The following ASIC2 variants were observed in gnomAD, a reference collection of about 807,000 sequenced individuals.
ASIC2 encodes acid-sensing ion channel 2.
In ASIC2, 25 loss-of-function variants were observed where a neutral mutation model predicts 57.3. That is an observed-to-expected ratio of 0.44 (90% confidence interval 0.32 to 0.61). The LOEUF is 0.61. ASIC2 is among the 20% of genes least tolerant of loss of function. The probability of loss-of-function intolerance (pLI) is 0.06; values close to 1 mark genes in which losing one functional copy is unlikely to be tolerated. For missense variants in ASIC2, 641 were observed against 738.1 expected, an observed-to-expected ratio of 0.87 and a Z score of 1.52; for synonymous variants, 319 against 307.5, an observed-to-expected ratio of 1.04 and a Z score of -0.39.
In ASIC2 at chr17:34,073,232, T is replaced by C. The variant is rs116781358; in HGVS notation, c.555+82746A>G. 5.2e-3 allele frequency among the ~76,000 whole-genome samples: 791 copies of C among 152,346 alleles called. 5 individuals are homozygous for C. Among genetic ancestry groups the C allele is most frequent in the African/African-American group, 0.018 (754 of 41,584 alleles). On this transcript the variant is annotated intron_variant, in intron 1 of 9. Coordinates refer to the ASIC2 transcript ENST00000359872. The stretch of plus-strand genomic sequence containing the variant: ...TCTGTCATTGTCATATGGGGCCTAG[T>C]GTGCCCACCCTATTGAAATCACCCC...
chr17:33,267,550 G>A (rs1909510096), intron 1 of ASIC2, among the ~76,000 whole-genome samples: 1 of 152,210 alleles, frequency 6.6e-6, no homozygotes, highest in South Asian at 2.1e-4. Context: ...CAGAAGCTAA[G>A]TTTGACAAGT....
At chr17:33,819,320 C>T (rs989514780) in intron 1 of ASIC2, among the ~76,000 whole-genome samples, 12 of 152,242 alleles carry the variant, frequency 7.9e-5, no homozygotes, top group African/African-American at 2.4e-4. Context: ...CTCTCTATTG[C>T]TCATGGGCAA....
chr17:33,747,609 T>A (rs1307046662), intron 1 of ASIC2, among the ~76,000 whole-genome samples: 2 of 152,222 alleles, frequency 1.3e-5, no homozygotes, highest in African/African-American at 2.4e-5. Context: ...ATCATGCTAC[T>A]CTTGCTTCCC....
chr17:33,507,395 A>G (rs1325326063), intron 1 of ASIC2, among the ~76,000 whole-genome samples: 1 of 152,038 alleles, frequency 6.6e-6, no homozygotes. Context: ...ATCTCATCTC[A>G]TTGGTTTGTT....
At position 33,291,835 on chromosome 17, in the gene ASIC2, C is replaced by A; in HGVS notation, c.281G>T (p.Cys94Phe). The change falls in exon 1 of 10, where the codon TGT becomes TTT. Residue 94 changes from cysteine to phenylalanine, a missense_variant. Cys to Phe is a radical substitution (Grantham distance 205). Transcript: ENST00000225823. Reference sequence around the variant, plus strand: ...GGACAGCAGCAAGCCGAAGGATGTACAGAAGGCCAGCACCCACAGCGCCCG... The same window carrying A: ...GGACAGCAGCAAGCCGAAGGATGTAAAGAAGGCCAGCACCCACAGCGCCCG... ...QRRALWVLAF[C>F]TSFGLLLSWS... 6.2e-7 allele frequency: 1 copy of A among 1,610,890 alleles called. No homozygotes were observed. The highest frequency in any genetic ancestry group is 8.5e-7 in the Non-Finnish European group (1 of 1,179,606).
chr17:33,334,042 G>C (rs1314036914), intron 1 of ASIC2, among the ~76,000 whole-genome samples: 1 of 152,208 alleles, frequency 6.6e-6, no homozygotes, highest in Non-Finnish European at 1.5e-5. Context: ...GACTGGACAA[G>C]GAAGCTGCTC....
At chr17:33,971,470 C>T (rs1243211269) in intron 1 of ASIC2, among the ~76,000 whole-genome samples, 2 of 152,156 alleles carry the variant, frequency 1.3e-5, no homozygotes, top group Non-Finnish European at 2.9e-5. Flanking sequence ...CACACACCAG[C>T]TCCTGAAAGT....
At chr17:33,291,105 A>C (rs1474431669) in intron 1 of ASIC2, 1 of 419,738 alleles carries the variant, frequency 2.4e-6, no homozygotes, top group African/African-American at 2.1e-5. Flanking sequence ...AAGGAGGCTG[A>C]CTAATATTCA....
At chr17:33,063,496 C>G (rs562286353) in intron 3 of ASIC2, among the ~76,000 whole-genome samples, 71 of 152,114 alleles carry the variant, frequency 4.7e-4, no homozygotes, top group African/African-American at 1.6e-3. Flanking sequence ...GGCCCCCCCT[C>G]TCTTCTGGCT....
chr17:34,148,881 G>A (rs942076845), intron 1 of ASIC2, among the ~76,000 whole-genome samples: 3 of 152,144 alleles, frequency 2.0e-5, no homozygotes, highest in Admixed American at 6.5e-5. Flanking sequence ...CTACCCAGGA[G>A]ACTCAAGAAG....
In ASIC2 at chr17:33,804,531, C is replaced by T. The variant is rs182160126; in HGVS notation, c.555+351447G>A. On this transcript the variant is annotated intron_variant, in intron 1 of 9. Transcript: ENST00000359872. Reference sequence around the variant, plus strand: ...AACCAGAGGTTAAAGCAAAAGTCTCCGCCCATTACCAAGAGCTTTGCTGGT... The same window carrying T: ...AACCAGAGGTTAAAGCAAAAGTCTCTGCCCATTACCAAGAGCTTTGCTGGT... Among the ~76,000 whole-genome samples the T allele has an allele frequency of 4.1e-3, 626 of 152,312 alleles. 2 individuals carry two copies. The highest frequency in any genetic ancestry group is 6.2e-3 in the Admixed American group (95 of 15,302).
At chr17:33,544,754 C>T (rs187101289) in intron 1 of ASIC2, among the ~76,000 whole-genome samples, 1 of 151,992 alleles carries the variant, frequency 6.6e-6, no homozygotes, top group South Asian at 2.1e-4. Context: ...CATATATCAC[C>T]CTTATACATA....
chr17:33,040,655 G>A (rs1453244624), intron 3 of ASIC2, among the ~76,000 whole-genome samples: 2 of 152,234 alleles, frequency 1.3e-5, no homozygotes, highest in Admixed American at 1.3e-4. Context: ...GACGAGGCCA[G>A]CATGACCCTG....
At chr17:33,364,966 A>G (rs1188695380) in intron 1 of ASIC2, among the ~76,000 whole-genome samples, 4 of 152,152 alleles carry the variant, frequency 2.6e-5, no homozygotes, top group Non-Finnish European at 5.9e-5. Context: ...TGGCCAGGCC[A>G]TCCTCCTTTT....
At position 34,026,728 on chromosome 17, in the gene ASIC2, C is replaced by T. The variant is rs58176276; in HGVS notation, c.555+129250G>A. The stretch of plus-strand genomic sequence containing the variant: ...GCCAAAGGTGGATGGGATGTCAGAC[C>T]ATTTAAGCCAATTCACCTCATTTTG... On this transcript the variant is annotated intron_variant, in intron 1 of 9. Coordinates refer to the ASIC2 transcript ENST00000359872. Among the ~76,000 whole-genome samples, 114 of 152,248 alleles carry T rather than the reference C, an allele frequency of 7.5e-4. 1 individual carries two copies. The highest frequency in any genetic ancestry group is 2.7e-3 in the African/African-American group (111 of 41,548).
chr17:33,726,202 A>G (rs1039210681), intron 1 of ASIC2, among the ~76,000 whole-genome samples: 3 of 152,176 alleles, frequency 2.0e-5, no homozygotes, highest in African/African-American at 7.2e-5. Flanking sequence ...AAAAGCCTCG[A>G]AACTTAGAGA....
intron 1 of ASIC2, among the ~76,000 whole-genome samples, chr17:33,153,439 A>T (rs766331832): frequency 3.9e-5 from 6 of 152,172 alleles, no homozygotes; most frequent in Non-Finnish European, 5.9e-5. Context: ...AAGTGGGGGA[A>T]ATCTAGGGAA....
intron 1 of ASIC2, among the ~76,000 whole-genome samples, chr17:33,519,027 G>A (rs921432671): frequency 2.5e-4 from 24 of 96,336 alleles, no homozygotes; most frequent in Admixed American, 2.2e-3. Context: ...TCACCATGTT[G>A]GCCAGGATGG....
chr17:33,077,247 A>C (rs2082265748), intron 3 of ASIC2, among the ~76,000 whole-genome samples: 1 of 152,160 alleles, frequency 6.6e-6, no homozygotes, highest in Admixed American at 6.5e-5. Context: ...GTACTATTTC[A>C]AAACACACAG....
Sources: allele counts gnomAD v4.1 joint callset (sites outside exome capture counted in the v4.1 genomes callset), GRCh38; gene constraint gnomAD v4.1.1; transcripts MANE v1.5; gene names NCBI Gene and HGNC (gene_info 2026-07-23, HGNC 2026-07-21).